The following FAM81A variants were observed in gnomAD, a reference collection of about 807,000 sequenced individuals.
FAM81A encodes the protein protein FAM81A.
FAM81A carries 19 observed loss-of-function variants against 46.7 expected under a neutral mutation model. The observed-to-expected ratio is 0.41, with a 90% confidence interval of 0.28 to 0.60. The LOEUF (loss-of-function observed/expected upper bound fraction) is 0.60, where lower values mean the gene tolerates loss of function less well. Ranked by LOEUF, FAM81A falls within the 20% of genes least tolerant of loss-of-function variation. The pLI, the probability that FAM81A is intolerant of heterozygous loss-of-function variation, is 0.34. For synonymous variants in FAM81A, 183 were observed against 152.9 expected (o/e 1.20, Z -1.45); for missense variants, 377 against 453.5 (o/e 0.83, Z 1.53).
At chr15:59,482,389 C>G (rs1224298504) in intron 3 of FAM81A, among the ~76,000 whole-genome samples, 1 of 152,306 alleles carries the variant, frequency 6.6e-6, no homozygotes, top group African/African-American at 2.4e-5. Flanking sequence ...CTGCCTCAGC[C>G]TCCTGAGTAG....
chr15:59,489,405 G>A (rs2081959131), intron 3 of FAM81A, among the ~76,000 whole-genome samples: 2 of 152,002 alleles, frequency 1.3e-5, no homozygotes, highest in South Asian at 4.1e-4. Flanking sequence ...AGAAATTGGA[G>A]AAGACTCATA....
intron 3 of FAM81A, among the ~76,000 whole-genome samples, chr15:59,488,456 A>C (rs2081945136): frequency 6.6e-6 from 1 of 152,226 alleles, no homozygotes; most frequent in Non-Finnish European, 1.5e-5. Flanking sequence ...AGGGCATCCA[A>C]ATTGGAAAGG....
At chr15:59,488,717 C>T in intron 3 of FAM81A, among the ~76,000 whole-genome samples, 1 of 152,182 alleles carries the variant, frequency 6.6e-6, no homozygotes, top group East Asian at 1.9e-4. Context: ...TGGCTCACGC[C>T]TATAATCCCA....
intron 7 of FAM81A, among the ~76,000 whole-genome samples, chr15:59,515,061 A>G (rs2082252505): frequency 6.6e-6 from 1 of 152,084 alleles, no homozygotes; most frequent in Non-Finnish European, 1.5e-5. Context: ...CCTGGGAAAC[A>G]TGGTGAAACC....
intron 4 of FAM81A, among the ~76,000 whole-genome samples, chr15:59,494,401 G>A (rs2082013131): frequency 1.3e-5 from 2 of 152,156 alleles, no homozygotes; most frequent in Non-Finnish European, 2.9e-5. Context: ...CGATGAAAAG[G>A]GCCTGCAACC....
upstream of FAM81A, among the ~76,000 whole-genome samples, chr15:59,435,192 C>T (rs767429000): frequency 5.5e-4 from 83 of 151,988 alleles, 2 homozygotes; most frequent in South Asian, 2.1e-4. Context: ...GAGGCTGAGG[C>T]GGGAGAATTG....
At chr15:59,506,093 T>A (rs1258091154) in intron 4 of FAM81A, among the ~76,000 whole-genome samples, 1 of 152,172 alleles carries the variant, frequency 6.6e-6, no homozygotes. Context: ...CAGGCCTGAC[T>A]TTCTCCCTCA....
intron 4 of FAM81A, among the ~76,000 whole-genome samples, chr15:59,497,077 C>A (rs2082041720): frequency 6.6e-6 from 1 of 151,250 alleles, no homozygotes; most frequent in African/African-American, 2.4e-5. Flanking sequence ...CGGGATTGTG[C>A]CACTGCACTC....
chr15:59,454,984 C>T (rs2081465008), intron 1 of FAM81A, among the ~76,000 whole-genome samples: 1 of 151,490 alleles, frequency 6.6e-6, no homozygotes, highest in South Asian at 2.1e-4. Context: ...CCATGTTGCC[C>T]AGGCTGGTCC....
At chr15:59,480,893 T>C (rs2081841928) in intron 3 of FAM81A, among the ~76,000 whole-genome samples, 1 of 152,240 alleles carries the variant, frequency 6.6e-6, no homozygotes, top group Non-Finnish European at 1.5e-5. Flanking sequence ...ATAAGCCGTC[T>C]AACACCTTCT....
At chr15:59,507,148 A>T in intron 4 of FAM81A, 65 bp from the exon 5 acceptor site, 1 of 1,546,690 alleles carries the variant, frequency 6.5e-7, no homozygotes, top group Non-Finnish European at 8.7e-7. Context: ...CAGAGTGTAT[A>T]AGGAAGCTTT....
At chr15:59,437,245 G>T (rs1162610835), upstream of FAM81A, among the ~76,000 whole-genome samples, 8 of 152,138 alleles carry the variant, frequency 5.3e-5, no homozygotes, top group Non-Finnish European at 2.9e-5. Flanking sequence ...TCCTTCCCCT[G>T]GGTTGGAAGG....
At chr15:59,496,220 A>G (rs1446648560) in intron 4 of FAM81A, among the ~76,000 whole-genome samples, 1 of 152,144 alleles carries the variant, frequency 6.6e-6, no homozygotes, top group Non-Finnish European at 1.5e-5. Flanking sequence ...TTCCACATTT[A>G]TTATTTTCCT....
intron 3 of FAM81A, among the ~76,000 whole-genome samples, chr15:59,477,211 G>T (rs577711977): frequency 3.4e-4 from 52 of 151,964 alleles, no homozygotes; most frequent in African/African-American, 1.1e-3. Flanking sequence ...GAGGTGTGAA[G>T]ATATTTAAAT....
intron 1 of FAM81A, chr15:59,445,398 C>G (rs2081343624): frequency 6.6e-6 from 1 of 152,094 alleles, no homozygotes; most frequent in South Asian, 2.1e-4. Flanking sequence ...TTCAGAAACC[C>G]CTGGTGGCTT....
intron 1 of FAM81A, among the ~76,000 whole-genome samples, chr15:59,457,458 C>G (rs1176270861): frequency 6.6e-6 from 1 of 152,272 alleles, no homozygotes; most frequent in African/African-American, 2.4e-5. Context: ...ATGAATTAAA[C>G]TTAATCATGA....
At chr15:59,505,536 A>G (rs2082140150) in intron 4 of FAM81A, among the ~76,000 whole-genome samples, 1 of 151,858 alleles carries the variant, frequency 6.6e-6, no homozygotes, top group Non-Finnish European at 1.5e-5. Flanking sequence ...AATCACAGAA[A>G]GGCGTCATTG....
chr15:59,502,724 G>A (rs1419451081), intron 4 of FAM81A, among the ~76,000 whole-genome samples: 1 of 151,870 alleles, frequency 6.6e-6, no homozygotes, highest in Non-Finnish European at 1.5e-5. Flanking sequence ...GTTTTACCAT[G>A]TAGGCCAGGC....
At chr15:59,409,375 C>CT (rs2081110649) in intron 2 of FAM81A, among the ~76,000 whole-genome samples, 1 of 152,198 alleles carries the variant, frequency 6.6e-6, no homozygotes, top group Non-Finnish European at 1.5e-5. Context: ...CCCTGTCCCT[C>CT]TGAGAAAAAT....
Sources: allele counts gnomAD v4.1 joint callset (sites outside exome capture counted in the v4.1 genomes callset), GRCh38; gene constraint gnomAD v4.1.1; transcripts MANE v1.5; gene names NCBI Gene and HGNC (gene_info 2026-07-23, HGNC 2026-07-21).